The following TBC1D12 variants were observed in gnomAD, a reference collection of about 807,000 sequenced individuals.
The protein encoded by TBC1D12 is TBC1 domain family, member 12.
TBC1D12 carries 56 observed loss-of-function variants against 86.7 expected under a neutral mutation model. That is an observed-to-expected ratio of 0.65 (90% CI 0.52 to 0.81). The LOEUF (loss-of-function observed/expected upper bound fraction) is 0.81, where lower values mean the gene tolerates loss of function less well. Ranked by LOEUF, TBC1D12 falls within the 30% of genes least tolerant of loss-of-function variation. The probability of loss-of-function intolerance (pLI) is 0.00; values close to 1 mark genes in which losing one functional copy is unlikely to be tolerated. For missense variants in TBC1D12, 1,023 were observed against 1,038.8 expected, an observed-to-expected ratio of 0.98 and a Z score of 0.21; for synonymous variants, 421 against 411.7, an observed-to-expected ratio of 1.02 and a Z score of -0.27.
intron 2 of TBC1D12, among the ~76,000 whole-genome samples, chr10:94,465,006 T>C (rs955440253): frequency 5.9e-5 from 9 of 152,240 alleles, no homozygotes; most frequent in Admixed American, 5.2e-4. Context: ...ATGTATGTAG[T>C]AAAGAGAAGA....
intron 2 of TBC1D12, among the ~76,000 whole-genome samples, chr10:94,464,750 T>C (rs1289434204): frequency 6.6e-6 from 1 of 152,244 alleles, no homozygotes; most frequent in Non-Finnish European, 1.5e-5. Flanking sequence ...AAAACTGAAG[T>C]GTTCAAGTAT....
rs191542416 is a variant in TBC1D12 at position 94,416,872 on chromosome 10, A to G, written c.971+13288A>G. On this transcript the variant is annotated intron_variant, in intron 1 of 12. Coordinates refer to ENST00000225235, the MANE Select transcript of TBC1D12 (RefSeq NM_015188.2). ...ATGACAGGACAAGTAAAAATAACAT[A>G]TATATAGAATTATATATAAAATAGC... 5.3e-5 allele frequency among the ~76,000 whole-genome samples: 8 copies of G among 152,270 alleles called. No homozygotes were observed. The East Asian group carries it at 9.6e-4, about 18-fold the overall frequency.
chr10:94,532,339 A>T (rs997787021), intron 12 of TBC1D12, among the ~76,000 whole-genome samples: 1 of 149,924 alleles, frequency 6.7e-6, no homozygotes, highest in Non-Finnish European at 1.5e-5. Flanking sequence ...CACCACGCCC[A>T]GCTAATTTTT....
chr10:94,435,641 G>A (rs866001790), intron 1 of TBC1D12, among the ~76,000 whole-genome samples: 11 of 152,190 alleles, frequency 7.2e-5, no homozygotes, highest in Middle Eastern at 3.4e-3. Flanking sequence ...CTAAATTTAT[G>A]TCTTTTTACT....
intron 9 of TBC1D12, among the ~76,000 whole-genome samples, chr10:94,520,987 C>T (rs1842136365): frequency 6.6e-6 from 1 of 152,074 alleles, no homozygotes; most frequent in African/African-American, 2.4e-5. Context: ...AATGGTCTCA[C>T]TGTGTAAGTC....
At chr10:94,485,903 A>G (rs1045129989) in intron 3 of TBC1D12, among the ~76,000 whole-genome samples, 2 of 152,118 alleles carry the variant, frequency 1.3e-5, no homozygotes, top group Admixed American at 1.3e-4. Flanking sequence ...ATCGGCACAC[A>G]GTTGCTCATA....
At position 94,515,015 on chromosome 10, in the gene TBC1D12, C is replaced by T. The variant is rs867361778; in HGVS notation, c.1761+3361C>T. ...CTCCGCCTCCCGGGTTCACGCCATT[C>T]TCCTGCCTCAGCCTCCCAAGTAGCT... On this transcript the variant is annotated intron_variant, in intron 9 of 12. Coordinates refer to ENST00000225235, the MANE Select transcript of TBC1D12 (RefSeq NM_015188.2). Among the ~76,000 whole-genome samples, 439 of 146,586 alleles carry T rather than the reference C, an allele frequency of 3.0e-3. 3 individuals carry two copies. Among genetic ancestry groups the T allele is most frequent in the African/African-American group, 0.01 (413 of 39,792 alleles).
chr10:94,457,150 C>T (rs1462597044), intron 2 of TBC1D12, among the ~76,000 whole-genome samples: 3 of 152,200 alleles, frequency 2.0e-5, no homozygotes, highest in South Asian at 2.1e-4. Flanking sequence ...AGGTTTGTTA[C>T]GTAGGTATGC....
chr10:94,478,065 G>T (rs1047549747), intron 3 of TBC1D12, among the ~76,000 whole-genome samples: 2 of 152,116 alleles, frequency 1.3e-5, no homozygotes, highest in Non-Finnish European at 2.9e-5. Context: ...AGGATCGCTT[G>T]AGGCCAGGAG....
intron 9 of TBC1D12, among the ~76,000 whole-genome samples, chr10:94,513,247 CACA>C (rs1564986018): frequency 3.0e-5 from 4 of 135,204 alleles, no homozygotes; most frequent in Non-Finnish European, 4.8e-5. Flanking sequence ...AACTCTGTCT[CACA>C]AAAAAAAAAA....
intron 1 of TBC1D12, among the ~76,000 whole-genome samples, chr10:94,407,241 C>T (rs779533664): frequency 6.6e-6 from 1 of 152,176 alleles, no homozygotes; most frequent in Non-Finnish European, 1.5e-5. Context: ...ACTTTCCTTC[C>T]CTTCCACATG....
chr10:94,514,861 C>CT (rs1345528003), intron 9 of TBC1D12, among the ~76,000 whole-genome samples: 1 of 149,590 alleles, frequency 6.7e-6, no homozygotes, highest in Non-Finnish European at 1.5e-5. Context: ...TCTATAATAG[C>CT]TGTACTAATT....
At chr10:94,452,799 A>G (rs1195866288) in intron 2 of TBC1D12, among the ~76,000 whole-genome samples, 1 of 152,194 alleles carries the variant, frequency 6.6e-6, no homozygotes, top group African/African-American at 2.4e-5. Context: ...TTTGGTAAAT[A>G]CCAAAGGAAG....
At chr10:94,488,191 G>C (rs886153770) in intron 3 of TBC1D12, among the ~76,000 whole-genome samples, 1 of 151,766 alleles carries the variant, frequency 6.6e-6, no homozygotes, top group East Asian at 2.0e-4. Context: ...TTCCAGGCTA[G>C]CCTGGCCAAC....
intron 9 of TBC1D12, among the ~76,000 whole-genome samples, chr10:94,513,247 C>CAAA (rs145017378): frequency 0.012 from 1,585 of 135,184 alleles, 66 homozygotes; most frequent in African/African-American, 0.041. Flanking sequence ...AACTCTGTCT[C>CAAA]ACAAAAAAAA....
At chr10:94,424,199 G>A (rs939562242) in intron 1 of TBC1D12, among the ~76,000 whole-genome samples, 1 of 152,152 alleles carries the variant, frequency 6.6e-6, no homozygotes, top group Non-Finnish European at 1.5e-5. Flanking sequence ...GATACCAAAG[G>A]ACAACTGTAT....
rs183272585 is a variant in TBC1D12, at chr10:94,519,412, C to T, written c.1762-2543C>T. On this transcript the variant is annotated intron_variant, in intron 9 of 12. Coordinates refer to ENST00000225235, the MANE Select transcript of TBC1D12 (RefSeq NM_015188.2). ...GTGGCTTTAAACACCACAAATTAGG[C>T]GAGGCGCAGTGGCTCATGCCTGTAA... Among the ~76,000 whole-genome samples the T allele has an allele frequency of 4.5e-3, 683 of 152,154 alleles. 5 individuals carry two copies. The highest frequency in any genetic ancestry group is 0.015 in the African/African-American group (629 of 41,504).
chr10:94,528,200 A>G (rs112568869), intron 11 of TBC1D12, among the ~76,000 whole-genome samples: 1 of 152,214 alleles, frequency 6.6e-6, no homozygotes, highest in African/African-American at 2.4e-5. Context: ...TAATTCTTCC[A>G]ATCTATGAAC....
chr10:94,406,146 CAGT>C (rs2054851429), intron 1 of TBC1D12, among the ~76,000 whole-genome samples: 1 of 152,172 alleles, frequency 6.6e-6, no homozygotes, highest in Admixed American at 6.6e-5. Flanking sequence ...ATATTATTAA[CAGT>C]AGGCAGGAAT....
Sources: gnomAD v4.1 joint callset for allele counts (sites outside exome capture counted in the v4.1 genomes callset) on GRCh38, gnomAD v4.1.1 for gene constraint, MANE v1.5 for transcripts, NCBI Gene and HGNC (gene_info 2026-07-23, HGNC 2026-07-21) for gene names.